The following AUTS2 variants were observed in gnomAD, a reference collection of about 807,000 sequenced individuals.
AUTS2 encodes autism susceptibility gene 2 protein.
Under a neutral mutation model 112.4 loss-of-function variants are expected in AUTS2, and 17 were observed. The observed-to-expected ratio is 0.15, with a 90% CI of 0.10 to 0.23. The LOEUF is 0.23. AUTS2 is among the 10% of genes least tolerant of loss of function. The pLI is 1.00. For missense variants in AUTS2, 1,510 were observed against 1,701.6 expected, an observed-to-expected ratio of 0.89 and a Z score of 1.98; for synonymous variants, 751 against 702.7, an observed-to-expected ratio of 1.07 and a Z score of -1.09.
intron 2 of AUTS2, among the ~76,000 whole-genome samples, chr7:70,066,126 T>C (rs1489555844): frequency 6.6e-6 from 1 of 152,228 alleles, no homozygotes; most frequent in Non-Finnish European, 1.5e-5. Flanking sequence ...TTTGATAATT[T>C]TGCCATCATT....
intron 1 of AUTS2, among the ~76,000 whole-genome samples, chr7:69,810,645 G>A (rs937683538): frequency 1.7e-4 from 26 of 152,070 alleles, no homozygotes; most frequent in African/African-American, 4.8e-4. Context: ...GAGCATAGAT[G>A]TAAAAACCAT....
At position 69,599,546 on chromosome 7, in the gene AUTS2, G is replaced by T; in HGVS notation, c.-108G>T. ...GTCTCCCCCGCGCCCTCCTCGGGGC[G>T]GAGGGAAGCCGTGAAGGGGGAGGGA... On this transcript the variant is annotated 5_prime_UTR_variant, in exon 1 of 19. Coordinates refer to ENST00000342771, the MANE Select transcript of AUTS2 (RefSeq NM_015570.4). The surrounding 1 kb of genome is among the most constrained non-coding windows in gnomAD (Gnocchi z 7.0). The T allele has an allele frequency of 9.2e-7, 1 of 1,085,280 alleles. No homozygotes were observed. Among genetic ancestry groups the T allele is most frequent in the Non-Finnish European group, 1.2e-6 (1 of 859,724 alleles). The allele number at this position is 1,085,280 out of a possible 1,614,324, so 67.2% of individuals were successfully genotyped here.
chr7:69,928,968 C>T (rs1232490863), intron 2 of AUTS2, among the ~76,000 whole-genome samples: 1 of 152,124 alleles, frequency 6.6e-6, no homozygotes, highest in Admixed American at 6.5e-5. Context: ...ATTTCTTATG[C>T]CCTTCATTTC....
intron 5 of AUTS2, among the ~76,000 whole-genome samples, chr7:70,494,586 C>A (rs1229769120): frequency 1.3e-5 from 2 of 151,744 alleles, no homozygotes; most frequent in Non-Finnish European, 2.9e-5. Context: ...TCCCCCCCGA[C>A]ACTCAGATCC....
At chr7:70,342,072 C>T (rs1026020645) in intron 4 of AUTS2, among the ~76,000 whole-genome samples, 34 of 152,312 alleles carry the variant, frequency 2.2e-4, no homozygotes, top group Middle Eastern at 6.8e-3. Flanking sequence ...TTCTTAGCCT[C>T]TGCAGTGCCC....
intron 5 of AUTS2, among the ~76,000 whole-genome samples, chr7:70,473,796 A>T (rs774046037): frequency 6.6e-6 from 1 of 151,372 alleles, no homozygotes; most frequent in Non-Finnish European, 1.5e-5. Context: ...AAGTGAGAGC[A>T]TCAAACATGC....
Position 69,708,169 on chromosome 7 carries a change from A to T in AUTS2, c.309+108207A>T, listed in dbSNP as rs920816023. On this transcript the variant is annotated intron_variant, in intron 1 of 18. Transcript: ENST00000342771. ...GCTCAGAGAGGACACTGTGGTGTTT[A>T]GCTTACCAAGCCCAGTGTGATATCA... is the stretch of plus-strand genomic sequence containing the variant. 1.3e-4 allele frequency among the ~76,000 whole-genome samples: 20 copies of T among 152,216 alleles called. 1 individual carries two copies. Among genetic ancestry groups the T allele is most frequent in the African/African-American group, 4.8e-4 (20 of 41,454 alleles).
intron 4 of AUTS2, among the ~76,000 whole-genome samples, chr7:70,239,092 T>G (rs1321494097): frequency 1.3e-5 from 2 of 152,146 alleles, no homozygotes; most frequent in Non-Finnish European, 2.9e-5. Flanking sequence ...ACTCCTCCAC[T>G]TTTCCTTCTT....
At chr7:69,876,539 TA>T (rs1793810712) in intron 1 of AUTS2, among the ~76,000 whole-genome samples, 1 of 71,362 alleles carries the variant, frequency 1.4e-5, no homozygotes, top group Non-Finnish European at 2.9e-5. Flanking sequence ...TATATATATA[TA>T]TATATTTTCA....
At chr7:70,327,397 A>G (rs749991719) in intron 4 of AUTS2, among the ~76,000 whole-genome samples, 58 of 152,166 alleles carry the variant, frequency 3.8e-4, no homozygotes, top group African/African-American at 1.3e-3. Context: ...CAGCCTTTGC[A>G]TGAGTTTTGT....
At chr7:69,644,983 A>C (rs567930522) in intron 1 of AUTS2, among the ~76,000 whole-genome samples, 4 of 152,058 alleles carry the variant, frequency 2.6e-5, no homozygotes, top group Middle Eastern at 3.4e-3. Context: ...ATTATAGCTC[A>C]CTGCAGCCTC....
At chr7:70,725,245 T>C (rs1442120175) in intron 6 of AUTS2, among the ~76,000 whole-genome samples, 1 of 152,096 alleles carries the variant, frequency 6.6e-6, no homozygotes, top group African/African-American at 2.4e-5. Context: ...ATGTCGGAAG[T>C]GAGTGCCCTG....
At chr7:70,486,171 G>C (rs1438575285) in intron 5 of AUTS2, among the ~76,000 whole-genome samples, 1 of 152,140 alleles carries the variant, frequency 6.6e-6, no homozygotes, top group Non-Finnish European at 1.5e-5. Flanking sequence ...AAGCTTGAGA[G>C]ATCAGCCCTA....
chr7:70,351,885 A>G (rs1459238751), intron 4 of AUTS2, among the ~76,000 whole-genome samples: 1 of 151,918 alleles, frequency 6.6e-6, no homozygotes, highest in Non-Finnish European at 1.5e-5. Context: ...TATTTTTAGT[A>G]GAGACAGTGG....
At chr7:70,326,928 T>TG (rs1035202898) in intron 4 of AUTS2, among the ~76,000 whole-genome samples, 2 of 149,306 alleles carry the variant, frequency 1.3e-5, no homozygotes, top group African/African-American at 4.9e-5. Flanking sequence ...TTTTTTTTTT[T>TG]TTTTTTTGTG....
At chr7:70,217,062 C>T (rs1023228852) in intron 4 of AUTS2, among the ~76,000 whole-genome samples, 13 of 151,784 alleles carry the variant, frequency 8.6e-5, no homozygotes, top group South Asian at 2.1e-4. Flanking sequence ...TTTTTTTTTC[C>T]GGCTACTACC....
chr7:70,655,686 T>G (rs1806735540), intron 5 of AUTS2, among the ~76,000 whole-genome samples: 1 of 152,144 alleles, frequency 6.6e-6, no homozygotes. Flanking sequence ...GGAAAGAGAT[T>G]GCCGTTATTG....
chr7:70,094,973 A>G (rs980555536), intron 2 of AUTS2, among the ~76,000 whole-genome samples: 3 of 152,164 alleles, frequency 2.0e-5, no homozygotes, highest in African/African-American at 7.2e-5. Context: ...AAGTGGGTGC[A>G]ATGGTTTGTG....
At chr7:70,547,141 C>T (rs999494852) in intron 5 of AUTS2, among the ~76,000 whole-genome samples, 1 of 152,274 alleles carries the variant, frequency 6.6e-6, no homozygotes, top group South Asian at 2.1e-4. Context: ...CCCTCATGCC[C>T]ATTTGCAGTT....
Sources: allele counts gnomAD v4.1 joint callset (sites outside exome capture counted in the v4.1 genomes callset), GRCh38; gene constraint gnomAD v4.1.1; non-coding constraint Gnocchi (gnomAD v3.1); transcripts MANE v1.5; gene names NCBI Gene and HGNC (gene_info 2026-07-23, HGNC 2026-07-21).